Variants in FADS2 observed in about 807,000 individuals in gnomAD.
FADS2 encodes fatty acid desaturase 2.
Under a neutral mutation model 61.2 loss-of-function variants are expected in FADS2, and 18 were observed. That is an observed-to-expected ratio of 0.29 (90% CI 0.20 to 0.44). The LOEUF is 0.44. FADS2 is among the 20% of genes least tolerant of loss of function. The pLI is 1.00. For missense variants in FADS2, 322 were observed against 572.7 expected (o/e 0.56, Z 4.47); for synonymous variants, 203 against 223.9 (o/e 0.91, Z 0.83).
At chr11:61,850,616 CT>C (rs147128667) in intron 5 of FADS2, among the ~76,000 whole-genome samples, 12 of 151,616 alleles carry the variant, frequency 7.9e-5, no homozygotes, top group East Asian at 5.8e-4. Context: ...TTAATACATT[CT>C]TTTTTTTTAT....
chr11:61,835,012 C>CCCCCAGGGCCTCCTCCCTGCCT (rs1469083237), intron 1 of FADS2, among the ~76,000 whole-genome samples: 22 of 146,890 alleles, frequency 1.5e-4, no homozygotes, highest in African/African-American at 5.5e-4. Context: ...TCCCTGCCTG[C>CCCCCAGGGCCTCCTCCCTGCCT]CCCCAGGGCC....
chr11:61,849,027 CG>C (rs1565333075), intron 5 of FADS2, among the ~76,000 whole-genome samples: 1 of 152,124 alleles, frequency 6.6e-6, no homozygotes, highest in Non-Finnish European at 1.5e-5. Flanking sequence ...CCGCCTCCCA[CG>C]TAGCTGGGAT....
chr11:61,827,031 A>ACT (rs1271621187), upstream of FADS2, among the ~76,000 whole-genome samples: 1 of 151,930 alleles, frequency 6.6e-6, no homozygotes, highest in Non-Finnish European at 1.5e-5. This position sits in a 1 kb window ranked among gnomAD's most constrained non-coding sequence, Gnocchi z 4.5. Context: ...GGGCCCTATA[A>ACT]CTCCTCTAGT....
In FADS2 at chr11:61,863,802, C is replaced by T. The variant is rs761519631; in HGVS notation, c.1157+16C>T. 3.6e-5 allele frequency: 58 copies of T among 1,601,680 alleles called. No individual in the cohort carries two copies. Among genetic ancestry groups the T allele is most frequent in the Non-Finnish European group, 4.1e-5 (48 of 1,168,972 alleles). On this transcript the variant is annotated intron_variant, in intron 10 of 11. Transcript: ENST00000278840. The stretch of plus-strand genomic sequence containing the variant: ...TTGAGCACCAGTGAGCGCGGGGCTG[C>T]GGGGAGGCGGGGAGACCCACAGCGG...
chr11:61,840,574 G>C lies in FADS2; in HGVS notation c.516+43G>C, dbSNP rs371547830. The C allele has an allele frequency of 5.9e-4, 958 of 1,613,266 alleles. 2 individuals are homozygous for C. Among genetic ancestry groups the C allele is most frequent in the Non-Finnish European group, 7.5e-4 (879 of 1,179,322 alleles). ...CACTTCCCCTAGCTGACAGAGGCCT[G>C]GTGCCTGTTTGCTGAGGCTGTGACA... On this transcript the variant is annotated intron_variant, in intron 3 of 11. Transcript: ENST00000278840.
Position 61,816,291 on chromosome 11 carries a change from C to A in FADS2, c.6C>A (p.His2Gln). 1.3e-6 allele frequency: 2 copies of A among 1,598,336 alleles called. No homozygotes were observed. Among genetic ancestry groups the A allele is most frequent in the Non-Finnish European group, 8.5e-7 (1 of 1,179,760 alleles). Residue 2 changes from histidine (H) to glutamine (Q), a missense_variant, in exon 1 of 12, where the codon CAC becomes CAA. Transcript: ENST00000257261. This position sits in a 1 kb window ranked among gnomAD's most constrained non-coding sequence, Gnocchi z 7.0. The stretch of plus-strand genomic sequence containing the variant: ...GGCTCGGGGCTGCAGATGGAATGCA[C>A]GGCAGGGAGGCGGGACCCTTTGTTT...
intron 2 of FADS2, among the ~76,000 whole-genome samples, chr11:61,838,654 C>T (rs1488435889): frequency 1.3e-5 from 2 of 152,178 alleles, no homozygotes; most frequent in African/African-American, 4.8e-5. Context: ...CCCACCACCC[C>T]CATTGCCTCT....
intron 4 of FADS2, among the ~76,000 whole-genome samples, chr11:61,845,797 A>C (rs2135965520): frequency 6.6e-6 from 1 of 152,134 alleles, no homozygotes; most frequent in Non-Finnish European, 1.5e-5. Flanking sequence ...AAAAAAAAAA[A>C]AAAAAAATGG....
chr11:61,824,990 A>G (rs1302369664), upstream of FADS2, among the ~76,000 whole-genome samples: 2 of 151,258 alleles, frequency 1.3e-5, no homozygotes, highest in Non-Finnish European at 2.9e-5. Context: ...CAGAAGATCG[A>G]GACCATCATG....
chr11:61,821,402 A>G (rs1039059057), intron 1 of FADS2: 38 of 702,160 alleles, frequency 5.4e-5, no homozygotes, highest in Middle Eastern at 2.3e-4. Flanking sequence ...AAAGACCTTA[A>G]TGCCGATTGT....
chr11:61,848,173 C>T lies in FADS2; in HGVS notation c.633C>T (p.Asn211=), dbSNP rs1473425440. The T allele has an allele frequency of 9.9e-6, 16 of 1,614,180 alleles. No individual in the cohort carries two copies. Among genetic ancestry groups the T allele is most frequent in the Non-Finnish European group, 1.3e-5 (15 of 1,180,014 alleles). ...VIGHLKGASA[N]WWNHRHFQHH... ...TCTCCCCACAGGGTGCCTCTGCCAACTGGTGGAATCATCGCCACTTCCAGC... is the reference window on the plus strand; with the variant it reads ...TCTCCCCACAGGGTGCCTCTGCCAATTGGTGGAATCATCGCCACTTCCAGC... The change falls in exon 5 of 12, where the codon AAC becomes AAT. Residue 211 remains asparagine, a synonymous_variant. Transcript: ENST00000278840.
chr11:61,852,165 A>T (rs1445545726), intron 5 of FADS2, among the ~76,000 whole-genome samples: 1 of 152,080 alleles, frequency 6.6e-6, no homozygotes. Context: ...CGTCTGGATG[A>T]CTTGGGGGCC....
At chr11:61,849,021 C>A (rs1437056761) in intron 5 of FADS2, among the ~76,000 whole-genome samples, 1 of 152,226 alleles carries the variant, frequency 6.6e-6, no homozygotes, top group African/African-American at 2.4e-5. Flanking sequence ...CTGCCTCCGC[C>A]TCCCACGTAG....
At chr11:61,821,571 C>G in intron 1 of FADS2, 1 of 609,576 alleles carries the variant, frequency 1.6e-6, no homozygotes. Context: ...AGAAGCAATA[C>G]CGGTTGTGCT....
At chr11:61,843,257 C>T (rs1016937145) in intron 4 of FADS2, among the ~76,000 whole-genome samples, 1 of 152,188 alleles carries the variant, frequency 6.6e-6, no homozygotes, top group Admixed American at 6.5e-5. Context: ...TAGCAAGACC[C>T]TGTCTCTACT....
At chr11:61,820,976 A>T (rs563493823) in intron 1 of FADS2, among the ~76,000 whole-genome samples, 52 of 152,348 alleles carry the variant, frequency 3.4e-4, no homozygotes, top group African/African-American at 1.1e-3. Flanking sequence ...GAGTAAGCCT[A>T]TAGGCCACTA....
At chr11:61,834,801 G>A (rs968675865) in intron 1 of FADS2, among the ~76,000 whole-genome samples, 88 of 152,228 alleles carry the variant, frequency 5.8e-4, no homozygotes, top group African/African-American at 1.9e-3. Context: ...GGCTTTTTCA[G>A]GCCCAGCCCT....
intron 8 of FADS2, 34 bp downstream of exon 8, chr11:61,863,103 T>G: frequency 1.3e-6 from 2 of 1,574,178 alleles, no homozygotes; most frequent in Non-Finnish European, 1.7e-6. Context: ...CCCTGGGCCC[T>G]CCACTGGCAC....
At chr11:61,850,827 G>A (rs1469556626) in intron 5 of FADS2, among the ~76,000 whole-genome samples, 1 of 152,182 alleles carries the variant, frequency 6.6e-6, no homozygotes, top group African/African-American at 2.4e-5. Flanking sequence ...TCACTAAGGA[G>A]TGGCACCGTG....
Sources: gnomAD v4.1 joint callset for allele counts (sites outside exome capture counted in the v4.1 genomes callset) on GRCh38, gnomAD v4.1.1 for gene constraint, Gnocchi (gnomAD v3.1) non-coding constraint, MANE v1.5 for transcripts, NCBI Gene and HGNC (gene_info 2026-07-23, HGNC 2026-07-21) for gene names.